The following ZFYVE9 variants were observed in gnomAD, a reference collection of about 807,000 sequenced individuals.
The protein encoded by ZFYVE9 is zinc finger FYVE domain-containing protein 9.
A neutral mutation model predicts 126.7 loss-of-function variants in ZFYVE9; 43 were observed. The observed-to-expected ratio is 0.34, with a 90% CI of 0.27 to 0.44. The LOEUF (loss-of-function observed/expected upper bound fraction) is 0.44, where lower values mean the gene tolerates loss of function less well. ZFYVE9 is among the 20% of genes least tolerant of loss of function. The probability of loss-of-function intolerance (pLI) is 1.00; values close to 1 mark genes in which losing one functional copy is unlikely to be tolerated. For synonymous variants in ZFYVE9, 521 were observed against 597.4 expected, an observed-to-expected ratio of 0.87 and a Z score of 1.87; for missense variants, 1,476 against 1,697.0, an observed-to-expected ratio of 0.87 and a Z score of 2.29.
At chr1:52,167,459 A>C (rs907110873) in intron 1 of ZFYVE9, among the ~76,000 whole-genome samples, 1 of 152,132 alleles carries the variant, frequency 6.6e-6, no homozygotes, top group Non-Finnish European at 1.5e-5. Flanking sequence ...GACCCATCTC[A>C]CTCAACAGCG....
At chr1:52,205,067 ATTTTTTT>A (rs891218048) in intron 1 of ZFYVE9, among the ~76,000 whole-genome samples, 34 of 117,756 alleles carry the variant, frequency 2.9e-4, no homozygotes, top group South Asian at 8.3e-4. Flanking sequence ...TGTGCTGTGA[ATTTTTTT>A]TTTTTTTTTT....
rs185490324 is a variant in ZFYVE9, at chr1:52,334,818, A to G, written c.3670+50A>G. ...CATAATAAGGACTGAACTTATGTAC[A>G]TAAAGGGAATCCTTTACACTTCTGC... On this transcript the variant is annotated intron_variant, in intron 15 of 18. Transcript: ENST00000287727. 49 of 1,560,928 alleles carry G rather than the reference A, an allele frequency of 3.1e-5. No individual in the cohort carries two copies. In the African/African-American group the frequency reaches 3.5e-4, roughly 11 times the overall value.
intron 1 of ZFYVE9, among the ~76,000 whole-genome samples, chr1:52,186,103 G>T (rs182911811): frequency 6.6e-6 from 1 of 151,528 alleles, no homozygotes; most frequent in East Asian, 2.0e-4. Context: ...AGCTGGGCTT[G>T]GTGGCAGGCA....
rs952531623 is a variant in ZFYVE9, at chr1:52,148,996, G to T, written c.-143+6593G>T. ...TTTTTTTTTTTTGAGATAGACTCTC[G>T]CTCTGTCAACCAGGCTAGAGTGCAG... On this transcript the variant is annotated intron_variant, in intron 1 of 18. Transcript: ENST00000287727. 9.3e-5 allele frequency among the ~76,000 whole-genome samples: 10 copies of T among 108,014 alleles called. No individual in the cohort carries two copies. In the Admixed American group the frequency reaches 1.0e-3, roughly 11 times the overall value. 70.9% of individuals were successfully genotyped at this position (108,014 alleles called of 152,430 possible).
chr1:52,263,992 T>C, intron 5 of ZFYVE9, 120 bp downstream of exon 5: 1 of 474,818 alleles, frequency 2.1e-6, no homozygotes, highest in Non-Finnish European at 3.7e-6. Flanking sequence ...ATGTCATAAC[T>C]TTAACTGAAA....
chr1:52,243,004 C>T (rs1645350279), intron 4 of ZFYVE9, among the ~76,000 whole-genome samples: 1 of 152,274 alleles, frequency 6.6e-6, no homozygotes, highest in African/African-American at 2.4e-5. Context: ...GTCTTTGTTC[C>T]CCATTAGGCT....
At chr1:52,286,855 A>G (rs35354820) in intron 10 of ZFYVE9, among the ~76,000 whole-genome samples, 21,710 of 152,068 alleles carry the variant, frequency 0.14, 1,920 homozygotes, top group Non-Finnish European at 0.2. Context: ...CCATACTTCC[A>G]TTGTAGCCAA....
chr1:52,269,015 G>A (rs992989154), intron 7 of ZFYVE9, among the ~76,000 whole-genome samples: 4 of 152,146 alleles, frequency 2.6e-5, no homozygotes, highest in Admixed American at 6.5e-5. Context: ...CTGAGGAGCT[G>A]AGTTTAAAAC....
chr1:52,302,609 G>A (rs1646045831), intron 12 of ZFYVE9, among the ~76,000 whole-genome samples: 1 of 151,722 alleles, frequency 6.6e-6, no homozygotes. Context: ...AAATTATCTG[G>A]GCCTGGTGGT....
At chr1:52,315,171 G>T (rs968583716) in intron 13 of ZFYVE9, among the ~76,000 whole-genome samples, 10 of 152,230 alleles carry the variant, frequency 6.6e-5, no homozygotes, top group African/African-American at 2.4e-4. Flanking sequence ...GCTCATGCCT[G>T]TAATCCCTGC....
chr1:52,143,754 C>G (rs1406113432), intron 1 of ZFYVE9, among the ~76,000 whole-genome samples: 1 of 152,110 alleles, frequency 6.6e-6, no homozygotes, highest in African/African-American at 2.4e-5. Flanking sequence ...TCAATTAAAA[C>G]AGAAGAATAT....
At chr1:52,221,558 G>A (rs1478498335) in intron 2 of ZFYVE9, among the ~76,000 whole-genome samples, 2 of 152,168 alleles carry the variant, frequency 1.3e-5, no homozygotes, top group African/African-American at 4.8e-5. Flanking sequence ...CTTATGATGA[G>A]GTTTCCCCCA....
chr1:52,309,167 T>A (rs563148230), intron 13 of ZFYVE9, among the ~76,000 whole-genome samples: 2 of 152,224 alleles, frequency 1.3e-5, no homozygotes, highest in Non-Finnish European at 2.9e-5. Context: ...GGATAATGAA[T>A]GATAACTAGG....
chr1:52,288,627 AATTT>A (rs1285125030), intron 10 of ZFYVE9, among the ~76,000 whole-genome samples: 1 of 152,152 alleles, frequency 6.6e-6, no homozygotes, highest in Non-Finnish European at 1.5e-5. Flanking sequence ...ACCACTTAGA[AATTT>A]ATTTATTGGC....
intron 4 of ZFYVE9, among the ~76,000 whole-genome samples, chr1:52,251,366 C>T (rs1645444885): frequency 6.6e-6 from 1 of 152,004 alleles, no homozygotes; most frequent in Non-Finnish European, 1.5e-5. Flanking sequence ...AGATAATTTA[C>T]TTCTGTTACT....
intron 17 of ZFYVE9, 151 bp from the exon 18 acceptor site, chr1:52,344,617 A>C (rs1258642952): frequency 8.0e-6 from 6 of 752,834 alleles, no homozygotes; most frequent in Non-Finnish European, 1.2e-5. Flanking sequence ...CAAATGCCCA[A>C]CTTTTCCTGG....
Position 52,269,346 on chromosome 1 carries a change from G to A in ZFYVE9, c.2625+714G>A, listed in dbSNP as rs59689099. On this transcript the variant is annotated intron_variant, in intron 7 of 18. Coordinates refer to ENST00000287727, the MANE Select transcript of ZFYVE9 (RefSeq NM_004799.4). ...GGTTTCACCATGTTGCCCAGGCTGC[G>A]TCTCGAACTCCTGACCTCAAGTGAT... 1.8e-3 allele frequency among the ~76,000 whole-genome samples: 266 copies of A among 151,872 alleles called. 1 individual carries two copies. The East Asian group carries it at 0.027, about 15-fold the overall frequency.
At chr1:52,251,621 A>G (rs375843334) in intron 4 of ZFYVE9, among the ~76,000 whole-genome samples, 22 of 151,822 alleles carry the variant, frequency 1.4e-4, no homozygotes, top group Non-Finnish European at 3.1e-4. Flanking sequence ...TGAGTTTTGT[A>G]TCAGTATACA....
intron 4 of ZFYVE9, among the ~76,000 whole-genome samples, chr1:52,262,303 G>A (rs1557487632): frequency 6.6e-6 from 1 of 152,082 alleles, no homozygotes; most frequent in East Asian, 1.9e-4. Context: ...AGGAGTTTTG[G>A]AACATTCATC....
Sources: allele counts gnomAD v4.1 joint callset (sites outside exome capture counted in the v4.1 genomes callset), GRCh38; gene constraint gnomAD v4.1.1; transcripts MANE v1.5; gene names NCBI Gene and HGNC (gene_info 2026-07-23, HGNC 2026-07-21).